Variants in DNAAF4 observed in about 807,000 individuals in gnomAD.
DNAAF4 encodes the protein dynein axonemal assembly factor 4.
DNAAF4 carries 43 observed loss-of-function variants against 51.8 expected under a neutral mutation model. That is an observed-to-expected ratio of 0.83 (90% CI 0.65 to 1.07). The LOEUF (loss-of-function observed/expected upper bound fraction) is 1.07. DNAAF4 is among the 50% of genes least tolerant of loss of function. The pLI is 0.00. For missense variants in DNAAF4, 581 were observed against 493.0 expected (o/e 1.18, Z -1.69); for synonymous variants, 194 against 165.6 (o/e 1.17, Z -1.32).
chr15:55,428,802 C>T (rs932639796), downstream of DNAAF4, among the ~76,000 whole-genome samples: 48 of 151,862 alleles, frequency 3.2e-4, no homozygotes, highest in African/African-American at 9.7e-5. Context: ...GCCTCTTTCA[C>T]TGTCTTAATC....
chr15:55,487,403 A>C (rs2058506248), intron 4 of DNAAF4, among the ~76,000 whole-genome samples: 1 of 152,084 alleles, frequency 6.6e-6, no homozygotes, highest in Non-Finnish European at 1.5e-5. Flanking sequence ...TGGACCAATC[A>C]GCACTCTGTA....
intron 4 of DNAAF4, among the ~76,000 whole-genome samples, chr15:55,490,569 T>C (rs921546108): frequency 1.3e-5 from 2 of 152,194 alleles, no homozygotes; most frequent in African/African-American, 2.4e-5. Flanking sequence ...ACTTGCACCA[T>C]TGAAACTTTA....
intron 1 of DNAAF4, among the ~76,000 whole-genome samples, chr15:55,506,674 GA>G (rs969885997): frequency 5.3e-5 from 8 of 151,754 alleles, no homozygotes; most frequent in Non-Finnish European, 8.8e-5. Flanking sequence ...CAACTTCATA[GA>G]AAAAAACCTG....
intron 6 of DNAAF4, among the ~76,000 whole-genome samples, chr15:55,442,198 A>G (rs1332823747): frequency 7.9e-5 from 12 of 152,150 alleles, no homozygotes; most frequent in Non-Finnish European, 1.6e-4. Flanking sequence ...GGCTCACTGC[A>G]ACCTCCGCTT....
chr15:55,472,714 A>C (rs2058272226), intron 4 of DNAAF4, among the ~76,000 whole-genome samples: 1 of 152,222 alleles, frequency 6.6e-6, no homozygotes, highest in Admixed American at 6.5e-5. Context: ...ACAGCAAATA[A>C]AACTAATACG....
chr15:55,442,280 G>A (rs545476619), intron 6 of DNAAF4, among the ~76,000 whole-genome samples: 4 of 152,076 alleles, frequency 2.6e-5, no homozygotes, highest in East Asian at 1.9e-4. Flanking sequence ...CACCATGCCC[G>A]GCTAATTTTT....
Position 55,442,635 on chromosome 15 carries a change from T to G in DNAAF4, c.784-3054A>C, listed in dbSNP as rs146903686. The G allele has an allele frequency of 1.1e-3, 1,752 of 1,527,546 alleles. 6 individuals are homozygous for G. The African/African-American group carries it at 0.012, about 10-fold the overall frequency. 94.6% of individuals were successfully genotyped at this position (1,527,546 alleles called of 1,614,324 possible). A position where few individuals can be genotyped will look rare whatever the true frequency, so the allele number is the denominator to read the frequency against. On this transcript the variant is annotated intron_variant, in intron 6 of 9. Coordinates refer to ENST00000321149, the MANE Select transcript of DNAAF4 (RefSeq NM_130810.4). ...GATGGAGTTCACCAGCAGCTCTTTA[T>G]GTCAGACTTTTAGCAGGATTCAGCT...
At chr15:55,449,204 G>A (rs2057892043) in intron 6 of DNAAF4, among the ~76,000 whole-genome samples, 1 of 149,872 alleles carries the variant, frequency 6.7e-6, no homozygotes. Flanking sequence ...TGGCCAGGCT[G>A]GTCTCAAACT....
Position 55,491,266 on chromosome 15 carries a change from A to G in DNAAF4, c.272-10T>C. 6.2e-7 allele frequency: 1 copy of G among 1,607,220 alleles called. No homozygotes were observed. The highest frequency in any genetic ancestry group is 8.5e-7 in the Non-Finnish European group (1 of 1,177,394). ...ATCATCTCTTTGTCAACTAAAATGT[A>G]CAGAATATTGCTAAATTAGAATTAT... On this transcript the variant is annotated splice_polypyrimidine_tract_variant and intron_variant, in intron 3 of 9. Transcript: ENST00000321149.
At chr15:55,495,593 G>C (rs974707787) in intron 3 of DNAAF4, among the ~76,000 whole-genome samples, 1 of 152,066 alleles carries the variant, frequency 6.6e-6, no homozygotes, top group Non-Finnish European at 1.5e-5. Flanking sequence ...CAATTACCTA[G>C]GTGTTTTGGT....
chr15:55,437,913 A>C (rs1043166945), intron 7 of DNAAF4, among the ~76,000 whole-genome samples: 1 of 152,196 alleles, frequency 6.6e-6, no homozygotes, highest in Non-Finnish European at 1.5e-5. Context: ...GTGTTGTTTT[A>C]AGCCACTTGG....
At chr15:55,420,485 T>G (rs2057379566) in intron 7 of DNAAF4, among the ~76,000 whole-genome samples, 1 of 152,144 alleles carries the variant, frequency 6.6e-6, no homozygotes, top group Non-Finnish European at 1.5e-5. Flanking sequence ...TTAGAAAGAA[T>G]AAATTTGTGA....
Position 55,430,705 on chromosome 15 carries a change from G to T in DNAAF4, c.1228C>A (p.Arg410=). 6.2e-7 allele frequency: 1 copy of T among 1,612,940 alleles called. No individual in the cohort carries two copies. Among genetic ancestry groups the T allele is most frequent in the South Asian group, 1.1e-5 (1 of 90,994 alleles). ...KIVQIDAEKI[R]NVIQGTELKS The stretch of plus-strand genomic sequence containing the variant: ...AGTTCTGTTCCTTGAATTACATTCC[G>T]AATCTTCTCAGCATCAATTTGTACA... Residue 410 remains arginine, a synonymous_variant, in exon 10 of 10, where the codon CGG becomes AGG. Coordinates refer to ENST00000321149, the MANE Select transcript of DNAAF4 (RefSeq NM_130810.4).
intron 5 of DNAAF4, among the ~76,000 whole-genome samples, chr15:55,456,257 T>C (rs1257440760): frequency 6.6e-6 from 1 of 151,978 alleles, no homozygotes; most frequent in Non-Finnish European, 1.5e-5. Context: ...TAGTTTTGTA[T>C]TTTTAGTAGA....
chr15:55,446,533 G>A (rs1271842024), intron 6 of DNAAF4, among the ~76,000 whole-genome samples: 6 of 147,122 alleles, frequency 4.1e-5, no homozygotes, highest in East Asian at 2.1e-4. Flanking sequence ...TTCCCAGACC[G>A]GGTGGCCGGG....
intron 7 of DNAAF4, among the ~76,000 whole-genome samples, chr15:55,436,533 C>T (rs1162206098): frequency 5.3e-5 from 8 of 151,836 alleles, no homozygotes; most frequent in East Asian, 1.9e-4. Flanking sequence ...TACAGGTGTG[C>T]GCCACAATGC....
At chr15:55,484,679 T>C (rs906825397) in intron 4 of DNAAF4, among the ~76,000 whole-genome samples, 2 of 152,044 alleles carry the variant, frequency 1.3e-5, no homozygotes, top group South Asian at 4.1e-4. Flanking sequence ...TTATTAAGTA[T>C]TAACTCACAC....
At chr15:55,442,568 G>C in intron 6 of DNAAF4, 1 of 1,050,236 alleles carries the variant, frequency 9.5e-7, no homozygotes, top group East Asian at 2.4e-5. Context: ...AGGGAGCAGA[G>C]TATTCGGGGG....
In DNAAF4 at chr15:55,484,817, T is replaced by C. The variant is rs189102767; in HGVS notation, c.405+6306A>G. ...AAACACCCAGCACGAGCAAAAGATG[T>C]GGGCTGGGAGGCTAGGCCAGTCTCG... On this transcript the variant is annotated intron_variant, in intron 4 of 9. Coordinates refer to ENST00000321149, the MANE Select transcript of DNAAF4 (RefSeq NM_130810.4). Among the ~76,000 whole-genome samples the C allele has an allele frequency of 8.6e-3, 1,317 of 152,262 alleles. 18 individuals are homozygous for C. The highest frequency in any genetic ancestry group is 0.03 in the African/African-American group (1,260 of 41,562).
Sources: allele counts gnomAD v4.1 joint callset (sites outside exome capture counted in the v4.1 genomes callset), GRCh38; gene constraint gnomAD v4.1.1; transcripts MANE v1.5; gene names NCBI Gene and HGNC (gene_info 2026-07-23, HGNC 2026-07-21).